SDC2: variants seen among roughly 807,000 people sequenced by gnomAD.
SDC2 encodes the protein syndecan-2.
In SDC2, 13 loss-of-function variants were observed where a neutral mutation model predicts 22.2. The observed-to-expected ratio is 0.59, with a 90% CI of 0.38 to 0.93. The LOEUF is 0.93. SDC2 is among the 40% of genes least tolerant of loss of function. The pLI, the probability that SDC2 is intolerant of heterozygous loss-of-function variation, is 0.00. For missense variants in SDC2, 235 were observed against 246.8 expected (o/e 0.95, Z 0.32); for synonymous variants, 94 against 92.8 (o/e 1.01, Z -0.07).
chr8:96,509,089 T>C (rs1000581489), intron 1 of SDC2, among the ~76,000 whole-genome samples: 1 of 142,054 alleles, frequency 7.0e-6, no homozygotes, highest in East Asian at 1.9e-4. Flanking sequence ...AACTAAGAGG[T>C]AGAATTAATG....
At chr8:96,585,935 A>G (rs1327740606) in intron 1 of SDC2, among the ~76,000 whole-genome samples, 1 of 151,470 alleles carries the variant, frequency 6.6e-6, no homozygotes, top group Admixed American at 6.6e-5. Context: ...TTTATGAAAC[A>G]GATTTTACTT....
intron 1 of SDC2, among the ~76,000 whole-genome samples, chr8:96,575,378 GGGGTA>G (rs1368945842): frequency 6.6e-6 from 1 of 150,634 alleles, no homozygotes; most frequent in African/African-American, 2.4e-5. Flanking sequence ...GGGGTAGGGT[GGGGTA>G]GGGTGGGGTG....
chr8:96,585,409 A>T (rs1347607), intron 1 of SDC2, among the ~76,000 whole-genome samples: 12,731 of 152,248 alleles, frequency 0.084, 635 homozygotes, highest in East Asian at 0.21. Flanking sequence ...GAGGGTTCGG[A>T]TGACATGAGT....
rs890405158 is a variant in SDC2 at position 96,508,830 on chromosome 8, TA to T, written c.60+14501del. 1.8e-4 allele frequency among the ~76,000 whole-genome samples: 26 copies of T among 142,340 alleles called. 7 individuals are homozygous for T. Among genetic ancestry groups the T allele is most frequent in the African/African-American group, 6.5e-4 (26 of 39,950 alleles). 93.4% of individuals were successfully genotyped at this position (142,340 alleles called of 152,430 possible). On this transcript the variant is annotated intron_variant, in intron 1 of 4. Coordinates refer to ENST00000302190, the MANE Select transcript of SDC2 (RefSeq NM_002998.4). ...CTTTCAAGAGAGCAGTGAAAGTGTC[TA>T]ACTGTATCACCAACTGTTTAATGTA...
In SDC2 at chr8:96,551,484, C is replaced by T. The variant is rs187784868; in HGVS notation, c.61-41996C>T. ...CCAGCAATCTCATGAGACAGGTATA[C>T]TATTATTAGCCCTAGTTTACAGGCG... On this transcript the variant is annotated intron_variant, in intron 1 of 4. Coordinates refer to ENST00000302190, the MANE Select transcript of SDC2 (RefSeq NM_002998.4). Among the ~76,000 whole-genome samples the T allele has an allele frequency of 3.4e-3, 510 of 152,206 alleles. 3 individuals carry two copies. The highest frequency in any genetic ancestry group is 5.2e-3 in the Non-Finnish European group (356 of 68,012).
intron 1 of SDC2, among the ~76,000 whole-genome samples, chr8:96,549,930 T>A (rs1035272226): frequency 1.3e-5 from 2 of 152,200 alleles, no homozygotes; most frequent in Non-Finnish European, 2.9e-5. Context: ...ATTTTGAACG[T>A]TGAACCTGAA....
chr8:96,539,664 C>T (rs1813813450), intron 1 of SDC2, among the ~76,000 whole-genome samples: 1 of 152,220 alleles, frequency 6.6e-6, no homozygotes, highest in Non-Finnish European at 1.5e-5. Context: ...ATTTTATAAC[C>T]TCTTATTCAT....
At chr8:96,498,967 A>G (rs1406747332) in intron 1 of SDC2, among the ~76,000 whole-genome samples, 1 of 152,068 alleles carries the variant, frequency 6.6e-6, no homozygotes, top group Non-Finnish European at 1.5e-5. Context: ...CACCACTTTG[A>G]TCATGTTGCC....
At chr8:96,599,684 G>C (rs755346555) in intron 2 of SDC2, among the ~76,000 whole-genome samples, 1 of 152,116 alleles carries the variant, frequency 6.6e-6, no homozygotes, top group Non-Finnish European at 1.5e-5. Context: ...AGTATTACTT[G>C]CCTAAGAGTA....
chr8:96,501,328 A>G (rs1253345953), intron 1 of SDC2, among the ~76,000 whole-genome samples: 9 of 102,954 alleles, frequency 8.7e-5, no homozygotes, highest in African/African-American at 3.5e-4. Context: ...TTTTTTTGAG[A>G]CAGAGTCTCA....
At chr8:96,517,389 A>T (rs576679092) in intron 1 of SDC2, among the ~76,000 whole-genome samples, 188 of 152,300 alleles carry the variant, frequency 1.2e-3, no homozygotes, top group Middle Eastern at 3.4e-3. Context: ...TTGGTATCAT[A>T]TATAAGAAAC....
chr8:96,547,437 G>A (rs16894717), intron 1 of SDC2, among the ~76,000 whole-genome samples: 5,556 of 152,250 alleles, frequency 0.036, 238 homozygotes, highest in African/African-American at 0.1. Context: ...TCGCACCAAC[G>A]CTGTCCACTG....
At position 96,494,117 on chromosome 8, in the gene SDC2, C is replaced by T. The variant is rs1444575; in HGVS notation, c.-155C>T. 86,928 of 696,118 alleles carry T rather than the reference C, an allele frequency of 0.12. 7,492 individuals are homozygous for T. The highest frequency in any genetic ancestry group is 0.4 in the East Asian group (12,286 of 30,520). The allele number at this position is 696,118 out of a possible 1,614,324, so 43.1% of individuals were successfully genotyped here. On this transcript the variant is annotated 5_prime_UTR_variant, in exon 1 of 5. Transcript: ENST00000302190. ...GGCGCAGGAGGAGGAAGCGAGCGCC[C>T]CCGAGCCCCGAGCCCGAGTCCCCGA...
intron 1 of SDC2, among the ~76,000 whole-genome samples, chr8:96,588,292 G>T (rs922198031): frequency 2.0e-5 from 3 of 152,180 alleles, no homozygotes; most frequent in South Asian, 4.1e-4. Context: ...CTCTAAAATT[G>T]TATGTTCCTT....
intron 1 of SDC2, among the ~76,000 whole-genome samples, chr8:96,551,099 C>T (rs1004287100): frequency 4.6e-5 from 7 of 152,164 alleles, no homozygotes; most frequent in African/African-American, 1.4e-4. Flanking sequence ...ATGGCTCTCC[C>T]TGGGGAGTTC....
At chr8:96,583,717 G>GTGTGTA (rs1305001793) in intron 1 of SDC2, among the ~76,000 whole-genome samples, 28 of 116,640 alleles carry the variant, frequency 2.4e-4, no homozygotes, top group African/African-American at 6.5e-4. Context: ...GTGTGTGTGT[G>GTGTGTA]TATATATATA....
At chr8:96,512,189 G>A (rs1010938645) in intron 1 of SDC2, among the ~76,000 whole-genome samples, 6 of 152,144 alleles carry the variant, frequency 3.9e-5, no homozygotes, top group Admixed American at 1.3e-4. Flanking sequence ...GGTACTATGC[G>A]GGCTGGGAAA....
chr8:96,498,332 G>A (rs1024897596), intron 1 of SDC2, among the ~76,000 whole-genome samples: 3 of 152,128 alleles, frequency 2.0e-5, no homozygotes, highest in African/African-American at 4.8e-5. Context: ...AGTGCCAACC[G>A]GCCCCAGAAT....
chr8:96,568,255 G>A (rs576774164), intron 1 of SDC2, among the ~76,000 whole-genome samples: 2 of 152,208 alleles, frequency 1.3e-5, no homozygotes, highest in Admixed American at 6.5e-5. Context: ...TATACCTTGT[G>A]GGGGTGGAAA....
Sources: allele counts gnomAD v4.1 joint callset (sites outside exome capture counted in the v4.1 genomes callset), GRCh38; gene constraint gnomAD v4.1.1; transcripts MANE v1.5; gene names NCBI Gene and HGNC (gene_info 2026-07-23, HGNC 2026-07-21).